ACOT13: variants seen among roughly 807,000 people sequenced by gnomAD.
The protein encoded by ACOT13 is acyl-CoA thioesterase 13, also known as acyl-coenzyme A thioesterase 13.
A neutral mutation model predicts 11.8 loss-of-function variants in ACOT13; 10 were observed. The observed-to-expected ratio is 0.85, with a 90% CI of 0.53 to 1.44. The LOEUF (loss-of-function observed/expected upper bound fraction) is 1.44. Ranked by LOEUF, ACOT13 falls within the 40% of genes most tolerant of loss-of-function variation. The probability of loss-of-function intolerance (pLI) is 0.00; values close to 1 mark genes in which losing one functional copy is unlikely to be tolerated. For missense variants in ACOT13, 172 were observed against 174.1 expected (o/e 0.99, Z 0.07); for synonymous variants, 53 against 61.0 (o/e 0.87, Z 0.61).
chr6:24,684,602 T>C (rs1213249147), intron 1 of ACOT13, among the ~76,000 whole-genome samples: 1 of 146,358 alleles, frequency 6.8e-6, no homozygotes, highest in Non-Finnish European at 1.5e-5. Context: ...CTGGTGGAAA[T>C]ACAATGTAAG....
At chr6:24,700,255 TC>T in intron 2 of ACOT13, among the ~76,000 whole-genome samples, 1 of 152,294 alleles carries the variant, frequency 6.6e-6, no homozygotes, top group Non-Finnish European at 1.5e-5. Context: ...TTCCTTATCT[TC>T]CCTCAGTTTA....
At chr6:24,698,107 TAACTGTCTAAAC>T in intron 2 of ACOT13, 40 bp downstream of exon 2, 1 of 1,491,898 alleles carries the variant, frequency 6.7e-7, no homozygotes, top group Non-Finnish European at 9.0e-7. Context: ...TTCTGTGTGA[TAACTGTCTAAAC>T]AACTGAGACT....
chr6:24,693,702 G>A (rs1582444342), intron 1 of ACOT13, among the ~76,000 whole-genome samples: 1 of 151,886 alleles, frequency 6.6e-6, no homozygotes, highest in Non-Finnish European at 1.5e-5. Context: ...GAGAGGGAGG[G>A]TGAGGGGCTA....
intron 1 of ACOT13, among the ~76,000 whole-genome samples, chr6:24,679,615 A>G (rs150072204): frequency 0.015 from 2,345 of 152,244 alleles, 151 homozygotes; most frequent in East Asian, 0.13. Context: ...CTGTGTCCCA[A>G]TGAGGGTCTA....
Position 24,701,926 on chromosome 6 carries a change from T to C in ACOT13, c.*311T>C. The C allele has an allele frequency of 4.7e-6, 1 of 214,222 alleles. No individual in the cohort carries two copies. Among genetic ancestry groups the C allele is most frequent in the South Asian group, 1.2e-4 (1 of 8,476 alleles). The allele number at this position is 214,222 out of a possible 1,614,324, so 13.3% of individuals were successfully genotyped here. A position where few individuals can be genotyped will look rare whatever the true frequency, so the allele number is the denominator to read the frequency against. ...TTAAAACTAAAGTCCAGTGTTAAGCTAAAGGAGAAATAGAAATTAATGGTT... is the reference window on the plus strand; with the variant it reads ...TTAAAACTAAAGTCCAGTGTTAAGCCAAAGGAGAAATAGAAATTAATGGTT... On this transcript the variant is annotated 3_prime_UTR_variant, in exon 3 of 3. Coordinates refer to ENST00000230048, the MANE Select transcript of ACOT13 (RefSeq NM_018473.4).
At chr6:24,668,455 A>G (rs1000933506) in intron 1 of ACOT13, among the ~76,000 whole-genome samples, 1 of 152,186 alleles carries the variant, frequency 6.6e-6, no homozygotes, top group Non-Finnish European at 1.5e-5. Flanking sequence ...TGCTGACCTC[A>G]GGTGATCCAC....
intron 1 of ACOT13, among the ~76,000 whole-genome samples, chr6:24,674,870 A>C: frequency 7.6e-6 from 1 of 132,302 alleles, no homozygotes; most frequent in Non-Finnish European, 1.6e-5. Flanking sequence ...TCCTAATGCT[A>C]TCCCTCCCCC....
At chr6:24,671,617 AAAAC>A (rs561284777) in intron 1 of ACOT13, among the ~76,000 whole-genome samples, 2 of 152,318 alleles carry the variant, frequency 1.3e-5, no homozygotes, top group South Asian at 2.1e-4. Context: ...ATAATTTAAA[AAAAC>A]AAATTTAACA....
In ACOT13 at chr6:24,701,679, A is replaced by G; in HGVS notation, c.*64A>G. ...TATCAAGTATAGATTTGACTCAAACAATTGTAATTTTTGAAATAAACTAGC... is the reference window on the plus strand; with the variant it reads ...TATCAAGTATAGATTTGACTCAAACGATTGTAATTTTTGAAATAAACTAGC... On this transcript the variant is annotated 3_prime_UTR_variant, in exon 3 of 3. Transcript: ENST00000230048. 1 of 1,453,566 alleles carries G rather than the reference A, an allele frequency of 6.9e-7. No individual in the cohort carries two copies. Among genetic ancestry groups the G allele is most frequent in the Non-Finnish European group, 9.2e-7 (1 of 1,088,220 alleles). The allele number at this position is 1,453,566 out of a possible 1,614,324, so 90.0% of individuals were successfully genotyped here.
intron 1 of ACOT13, chr6:24,687,755 G>T: frequency 2.1e-6 from 3 of 1,427,196 alleles, no homozygotes; most frequent in Non-Finnish European, 2.8e-6. Flanking sequence ...TTATTGCCCA[G>T]GCTGGAGTAC....
chr6:24,701,777 T>A lies in ACOT13; in HGVS notation c.*162T>A. 6.3e-6 allele frequency: 4 copies of A among 632,038 alleles called. No individual in the cohort carries two copies. The highest frequency in any genetic ancestry group is 7.5e-6 in the Non-Finnish European group (3 of 401,380). The allele number at this position is 632,038 out of a possible 1,614,324, so 39.2% of individuals were successfully genotyped here. On this transcript the variant is annotated 3_prime_UTR_variant, in exon 3 of 3. Coordinates refer to ENST00000230048, the MANE Select transcript of ACOT13 (RefSeq NM_018473.4). ...ATCAAGTAGGGTAAAGGTGGGGGTG[T>A]CTTTTTTCACTTTAAGCATCTTGTT... is the stretch of plus-strand genomic sequence containing the variant.
intron 2 of ACOT13, 65 bp from the exon 3 acceptor site, chr6:24,701,394 T>G: frequency 1.4e-5 from 20 of 1,446,164 alleles, no homozygotes; most frequent in Non-Finnish European, 1.8e-5. Context: ...AACACTGTTG[T>G]GAGATGCACA....
chr6:24,698,413 G>A (rs1391301027), intron 2 of ACOT13, among the ~76,000 whole-genome samples: 4 of 152,156 alleles, frequency 2.6e-5, no homozygotes, highest in Non-Finnish European at 5.9e-5. Flanking sequence ...AGGGCCAGAC[G>A]CAGTGGCTCA....
intron 1 of ACOT13, among the ~76,000 whole-genome samples, chr6:24,673,351 A>T (rs1024673823): frequency 5.3e-5 from 8 of 152,154 alleles, no homozygotes; most frequent in Non-Finnish European, 1.0e-4. Flanking sequence ...TTTAAAAAAA[A>T]ATTAAATTCT....
chr6:24,698,078 A>C lies in ACOT13; in HGVS notation c.266+11A>C. 4 of 1,579,426 alleles carry C rather than the reference A, an allele frequency of 2.5e-6. No individual in the cohort carries two copies. Among genetic ancestry groups the C allele is most frequent in the Non-Finnish European group, 3.4e-6 (4 of 1,162,334 alleles). On this transcript the variant is annotated intron_variant, in intron 2 of 2. Coordinates refer to ENST00000230048, the MANE Select transcript of ACOT13 (RefSeq NM_018473.4). ...CGATATGAACATAACGTATGTATCC[A>C]AACTGTATTCCAAATCCCTTCTGTG...
intron 1 of ACOT13, 29 bp downstream of exon 1, chr6:24,667,373 G>A (rs1447878456): frequency 6.2e-7 from 1 of 1,606,820 alleles, no homozygotes; most frequent in Admixed American, 1.7e-5. Flanking sequence ...AGAAGCCGTG[G>A]CTTCTAATGA....
At chr6:24,674,947 G>A (rs1331093444) in intron 1 of ACOT13, among the ~76,000 whole-genome samples, 1 of 135,366 alleles carries the variant, frequency 7.4e-6, no homozygotes, top group East Asian at 2.2e-4. Flanking sequence ...TGTTCTCATT[G>A]TTCAGTTCCC....
In ACOT13 at chr6:24,701,967, C is replaced by A; in HGVS notation, c.*352C>A. 1 of 163,154 alleles carries A rather than the reference C, an allele frequency of 6.1e-6. No individual in the cohort carries two copies. Among genetic ancestry groups the A allele is most frequent in the Non-Finnish European group, 1.3e-5 (1 of 75,204 alleles). 10.1% of individuals were successfully genotyped at this position (163,154 alleles called of 1,614,324 possible). A position where few individuals can be genotyped will look rare whatever the true frequency, so the allele number is the denominator to read the frequency against. On this transcript the variant is annotated 3_prime_UTR_variant, in exon 3 of 3. Coordinates refer to ENST00000230048, the MANE Select transcript of ACOT13 (RefSeq NM_018473.4). ...ATTAATGGTTCTAATTCTGTTTGGG[C>A]TGCTAGGAACAACAGAAATTTTTCA...
chr6:24,685,156 G>A (rs1252799224), intron 1 of ACOT13, among the ~76,000 whole-genome samples: 1 of 152,118 alleles, frequency 6.6e-6, no homozygotes, highest in African/African-American at 2.4e-5. Flanking sequence ...GCTACTGGCT[G>A]TTGAACTGTA....
Sources: allele counts gnomAD v4.1 joint callset (sites outside exome capture counted in the v4.1 genomes callset), GRCh38; gene constraint gnomAD v4.1.1; transcripts MANE v1.5; gene names NCBI Gene and HGNC (gene_info 2026-07-23, HGNC 2026-07-21).